The following ATP11A variants were observed in gnomAD, a reference collection of about 807,000 sequenced individuals.
ATP11A encodes the protein ATPase phospholipid transporting 11A.
Under a neutral mutation model 154.4 loss-of-function variants are expected in ATP11A, and 81 were observed. The ratio of observed to expected loss-of-function variants is 0.52; its 90% CI spans 0.44 to 0.63. ATP11A has a LOEUF of 0.63. Ranked by LOEUF, ATP11A falls within the 30% of genes least tolerant of loss-of-function variation. The pLI is 0.00. For missense variants in ATP11A, 1,316 were observed against 1,474.3 expected (o/e 0.89, Z 1.76); for synonymous variants, 623 against 585.9 (o/e 1.06, Z -0.91).
Position 112,836,182 on chromosome 13 carries a change from G to T in ATP11A, c.1636G>T (p.Glu546Ter). ...LNRENHIERF[E>*]LLEILSFDSV... ...CCTTCTGCATTTCTCTTTCAGGTTT[G>T]AATTGCTGGAAATTTTGAGTTTTGA... is the stretch of plus-strand genomic sequence containing the variant. The change falls in exon 16 of 30, where the codon GAA becomes TAA. Residue 546 changes from glutamate (E) to a stop codon, truncating the protein, a stop_gained. Transcript: ENST00000375645. LOFTEE classifies it high-confidence loss of function. 1 of 1,612,088 alleles carries T rather than the reference G, an allele frequency of 6.2e-7. No homozygotes were observed. Among genetic ancestry groups the T allele is most frequent in the South Asian group, 1.1e-5 (1 of 90,766 alleles).
intron 1 of ATP11A, among the ~76,000 whole-genome samples, chr13:112,724,406 C>T (rs887897712): frequency 5.9e-5 from 9 of 152,004 alleles, no homozygotes; most frequent in African/African-American, 2.4e-5. Context: ...CAGGAGGTCA[C>T]TGTGCTGAAG....
chr13:112,698,559 C>T (rs897459673), intron 1 of ATP11A, among the ~76,000 whole-genome samples: 4 of 152,108 alleles, frequency 2.6e-5, no homozygotes, highest in Non-Finnish European at 4.4e-5. Context: ...TGATGTGGCT[C>T]ACTCATGCAG....
At chr13:112,773,453 G>A (rs1053234909) in intron 1 of ATP11A, among the ~76,000 whole-genome samples, 13 of 152,194 alleles carry the variant, frequency 8.5e-5, no homozygotes, top group Non-Finnish European at 1.9e-4. Flanking sequence ...CGAGCTGTAC[G>A]GGTCCCAAGC....
At chr13:112,793,754 GAC>G (rs1477560965) in intron 2 of ATP11A, among the ~76,000 whole-genome samples, 1 of 152,236 alleles carries the variant, frequency 6.6e-6, no homozygotes, top group East Asian at 1.9e-4. Flanking sequence ...TGAGGCTTCA[GAC>G]AGCTTGTAGG....
rs1226414632 is a variant in ATP11A at position 112,826,693 on chromosome 13, G to T, written c.1024-1G>T. The stretch of plus-strand genomic sequence containing the variant: ...CTGACCCGCACCTTCTGCTCTTGCA[G>T]TTCCTCAAGGCATTCACGGACTTCC... On this transcript the variant is annotated splice_acceptor_variant, in intron 11 of 29. Coordinates refer to ENST00000375645, the MANE Select transcript of ATP11A (RefSeq NM_015205.3). LOFTEE classifies it high-confidence loss of function. 1 of 1,614,074 alleles carries T rather than the reference G, an allele frequency of 6.2e-7. No individual in the cohort carries two copies. Among genetic ancestry groups the T allele is most frequent in the Admixed American group, 1.7e-5 (1 of 60,028 alleles).
chr13:112,710,171 T>C (rs1337013053), intron 1 of ATP11A, among the ~76,000 whole-genome samples: 1 of 152,224 alleles, frequency 6.6e-6, no homozygotes, highest in Non-Finnish European at 1.5e-5. Context: ...GTGTCATCCA[T>C]GTGGTCCTCC....
At chr13:112,793,023 A>AT (rs2077901991) in intron 2 of ATP11A, among the ~76,000 whole-genome samples, 1 of 152,152 alleles carries the variant, frequency 6.6e-6, no homozygotes. Context: ...AATGATTTCC[A>AT]TGTTTATTAT....
intron 1 of ATP11A, among the ~76,000 whole-genome samples, chr13:112,765,888 T>C (rs1046845330): frequency 1.3e-5 from 2 of 152,254 alleles, no homozygotes; most frequent in African/African-American, 4.8e-5. Flanking sequence ...CTCACAGCGC[T>C]GAGCAGGCGT....
intron 1 of ATP11A, among the ~76,000 whole-genome samples, chr13:112,767,593 C>G (rs2077126135): frequency 6.6e-6 from 1 of 152,006 alleles, no homozygotes; most frequent in African/African-American, 2.4e-5. Flanking sequence ...CACAGAATAT[C>G]TGTGACTGTC....
chr13:112,813,171 T>C (rs936613183), intron 5 of ATP11A, among the ~76,000 whole-genome samples: 4 of 152,162 alleles, frequency 2.6e-5, no homozygotes, highest in Admixed American at 6.5e-5. Context: ...CCTTTGAGAG[T>C]GCTAGAGCGT....
At chr13:112,877,073 G>A (rs1299303409) in intron 28 of ATP11A, among the ~76,000 whole-genome samples, 2 of 152,222 alleles carry the variant, frequency 1.3e-5, no homozygotes, top group Non-Finnish European at 2.9e-5. Flanking sequence ...TCGTGGTGAA[G>A]AGACTGCCTC....
intron 17 of ATP11A, among the ~76,000 whole-genome samples, chr13:112,847,121 C>T (rs1004397746): frequency 6.6e-6 from 1 of 152,218 alleles, no homozygotes; most frequent in Admixed American, 6.5e-5. Context: ...GTTCCCCTGC[C>T]CGAGCCTCGG....
intron 2 of ATP11A, among the ~76,000 whole-genome samples, chr13:112,790,707 C>T (rs1162053439): frequency 6.6e-6 from 1 of 151,934 alleles, no homozygotes; most frequent in Non-Finnish European, 1.5e-5. Context: ...GATGTGTAGA[C>T]TCCTGTGGAG....
rs1485427773 is a variant in ATP11A, at chr13:112,807,935, C to T, written c.333+1642C>T. ...AGGCAGGCGTAGCACTGTTCTTCAG[C>T]GTCCTCTTCTCTGCATTTGTTAAGG... On this transcript the variant is annotated intron_variant, in intron 4 of 29. Transcript: ENST00000375645. This position sits in a 1 kb window ranked among gnomAD's most constrained non-coding sequence, Gnocchi z 4.5. Among the ~76,000 whole-genome samples the T allele has an allele frequency of 1.3e-5, 2 of 152,134 alleles. No individual in the cohort carries two copies. Among genetic ancestry groups the T allele is most frequent in the African/African-American group, 2.4e-5 (1 of 41,426 alleles).
intron 1 of ATP11A, among the ~76,000 whole-genome samples, chr13:112,776,499 C>T (rs890179658): frequency 1.3e-5 from 2 of 152,186 alleles, no homozygotes; most frequent in African/African-American, 4.8e-5. Context: ...GATAATTGAT[C>T]GGGTGTGAGT....
At chr13:112,805,162 T>C (rs2078286461) in intron 3 of ATP11A, 116 bp downstream of exon 3, 4 of 672,380 alleles carry the variant, frequency 5.9e-6, no homozygotes, top group Admixed American at 3.6e-5. Context: ...GCCCCTCACC[T>C]ATGATTAATT....
rs781312654 is a variant in ATP11A at position 112,858,126 on chromosome 13, C to G, written c.2522-19C>G. 6.2e-7 allele frequency: 1 copy of G among 1,610,808 alleles called. No homozygotes were observed. The highest frequency in any genetic ancestry group is 8.5e-7 in the Non-Finnish European group (1 of 1,177,764). On this transcript the variant is annotated intron_variant, in intron 21 of 29. Transcript: ENST00000375645. ...TGTGCAGAAAGCATTTCTTCAGCTCCTTCACCTCCGTCTTCTAGGTGTCAT... is the reference window on the plus strand; with the variant it reads ...TGTGCAGAAAGCATTTCTTCAGCTCGTTCACCTCCGTCTTCTAGGTGTCAT...
intron 2 of ATP11A, among the ~76,000 whole-genome samples, chr13:112,799,311 C>T (rs189768210): frequency 3.9e-5 from 6 of 152,286 alleles, no homozygotes; most frequent in South Asian, 4.2e-4. Context: ...ATGTCTCACG[C>T]GTCCATGTGA....
At chr13:112,827,053 G>A (rs1304311994) in intron 12 of ATP11A, among the ~76,000 whole-genome samples, 162 bp downstream of exon 12, 1 of 152,184 alleles carries the variant, frequency 6.6e-6, no homozygotes, top group African/African-American at 2.4e-5. Context: ...ACAGTCAGCC[G>A]TGCTGTTACA....
Sources: gnomAD v4.1 joint callset for allele counts (sites outside exome capture counted in the v4.1 genomes callset) on GRCh38, gnomAD v4.1.1 for gene constraint, Gnocchi (gnomAD v3.1) non-coding constraint, MANE v1.5 for transcripts, NCBI Gene and HGNC (gene_info 2026-07-23, HGNC 2026-07-21) for gene names.